MPRIP: variants seen among roughly 807,000 people sequenced by gnomAD.
The protein encoded by MPRIP is myosin phosphatase Rho interacting protein.
A neutral mutation model predicts 234.9 loss-of-function variants in MPRIP; 59 were observed. That is an observed-to-expected ratio of 0.25 (90% CI 0.20 to 0.31). The LOEUF is 0.31. Ranked by LOEUF, MPRIP falls within the 10% of genes least tolerant of loss-of-function variation. The pLI is 1.00. For missense variants in MPRIP, 2,436 were observed against 3,071.0 expected, an observed-to-expected ratio of 0.79 and a Z score of 4.89; for synonymous variants, 1,144 against 1,263.9, an observed-to-expected ratio of 0.91 and a Z score of 2.01.
chr17:17,180,723 G>A (rs940179621), intron 23 of MPRIP: 9 of 1,502,370 alleles, frequency 6.0e-6, no homozygotes, highest in African/African-American at 5.5e-5. Context: ...CATGGCAAAC[G>A]CCTGTGTCAT....
chr17:17,164,780 C>T lies in MPRIP; in HGVS notation c.3189C>T (p.Thr1063=), dbSNP rs1388401056. 7.7e-7 allele frequency: 1 copy of T among 1,304,174 alleles called. No individual in the cohort carries two copies. The allele number at this position is 1,304,174 out of a possible 1,614,324, so 80.8% of individuals were successfully genotyped here. Residue 1063 remains threonine (T), a synonymous_variant, in exon 16 of 24, where the codon ACC becomes ACT. Transcript: ENST00000651222. ...AGGGTCAGGCACAGCAGGTGGAGAC[C>T]CTGCAGAAGGAGAAGCTGAGCGCCA... The part of the protein sequence containing the change: ...QLQGQAQQVE[T]LQKEKLSATF...
chr17:17,167,999 A>T lies in MPRIP; in HGVS notation c.6324+84A>T. On this transcript the variant is annotated intron_variant, in intron 16 of 23. Coordinates refer to ENST00000651222, the MANE Select transcript of MPRIP (RefSeq NM_001364716.4). The surrounding 1 kb of genome is among the most constrained non-coding windows in gnomAD (Gnocchi z 5.9). ...GGGACGTCTGGCTCAGCTACCGTGC[A>T]GGCAGAATTGAGGGGATATGCTGCT... 1 of 1,096,622 alleles carries T rather than the reference A, an allele frequency of 9.1e-7. No individual in the cohort carries two copies. The highest frequency in any genetic ancestry group is 1.2e-6 in the Non-Finnish European group (1 of 832,444). 67.9% of individuals were successfully genotyped at this position (1,096,622 alleles called of 1,614,324 possible).
intron 1 of MPRIP, among the ~76,000 whole-genome samples, chr17:17,049,964 G>A (rs1219508474): frequency 2.0e-5 from 3 of 152,290 alleles, no homozygotes; most frequent in Admixed American, 1.3e-4. Flanking sequence ...CGAGACGGGC[G>A]GATCACGAGG....
intron 3 of MPRIP, among the ~76,000 whole-genome samples, chr17:17,091,231 G>A (rs564192185): frequency 8.5e-5 from 13 of 152,238 alleles, no homozygotes; most frequent in South Asian, 4.1e-4. Context: ...CCCAGAGGCC[G>A]TTCTAGCTGT....
At chr17:17,056,370 C>T (rs1364729196) in intron 1 of MPRIP, among the ~76,000 whole-genome samples, 2 of 152,194 alleles carry the variant, frequency 1.3e-5, no homozygotes, top group Non-Finnish European at 2.9e-5. Context: ...CCTGTGGCCA[C>T]GGGCTGTTTG....
At chr17:17,101,459 C>CAGGCTG (rs1179883575) in intron 3 of MPRIP, among the ~76,000 whole-genome samples, 2 of 152,096 alleles carry the variant, frequency 1.3e-5, no homozygotes, top group Non-Finnish European at 2.9e-5. Context: ...CCCAGCCACT[C>CAGGCTG]AGGCTGAGGC....
intron 16 of MPRIP, among the ~76,000 whole-genome samples, chr17:17,169,304 C>T (rs1021863566): frequency 6.6e-6 from 1 of 152,180 alleles, no homozygotes; most frequent in Non-Finnish European, 1.5e-5. Context: ...CCTGCAGCTT[C>T]CCAGACAATC....
At chr17:17,090,144 G>A (rs1195988717) in intron 3 of MPRIP, among the ~76,000 whole-genome samples, 2 of 152,212 alleles carry the variant, frequency 1.3e-5, no homozygotes, top group African/African-American at 4.8e-5. Flanking sequence ...TGGTGTTGCA[G>A]ACCAAGACCT....
At chr17:17,074,542 A>G (rs2089280325) in intron 1 of MPRIP, among the ~76,000 whole-genome samples, 1 of 152,240 alleles carries the variant, frequency 6.6e-6, no homozygotes, top group African/African-American at 2.4e-5. Flanking sequence ...GGTGAGTTTT[A>G]GCATATTTAC....
At chr17:17,136,536 T>A in intron 6 of MPRIP, 86 bp downstream of exon 6, 1 of 1,312,938 alleles carries the variant, frequency 7.6e-7, no homozygotes, top group Non-Finnish European at 1.1e-6. Context: ...CCAAGGCCTG[T>A]AGAGCCCAGT....
At chr17:17,090,768 T>C (rs555102979) in intron 3 of MPRIP, among the ~76,000 whole-genome samples, 2 of 152,282 alleles carry the variant, frequency 1.3e-5, no homozygotes, top group South Asian at 4.2e-4. Context: ...ATCAGGGTTT[T>C]TCTGGGCGAT....
chr17:17,078,211 T>C lies in MPRIP; in HGVS notation c.267+135T>C. The C allele has an allele frequency of 3.2e-6, 3 of 936,568 alleles. No homozygotes were observed. Among genetic ancestry groups the C allele is most frequent in the Non-Finnish European group, 4.9e-6 (3 of 608,304 alleles). 58.0% of individuals were successfully genotyped at this position (936,568 alleles called of 1,614,324 possible). ...GTCTGTTTGGGAGTGTGGAATGTTTTGAAGAACTTGTGGCACCTGCTGGAG... is the reference window on the plus strand; with the variant it reads ...GTCTGTTTGGGAGTGTGGAATGTTTCGAAGAACTTGTGGCACCTGCTGGAG... On this transcript the variant is annotated intron_variant, in intron 3 of 23. Coordinates refer to ENST00000651222, the MANE Select transcript of MPRIP (RefSeq NM_001364716.4). The surrounding 1 kb of genome is among the most constrained non-coding windows in gnomAD (Gnocchi z 4.3).
chr17:17,054,449 G>A (rs1191370975), intron 1 of MPRIP, among the ~76,000 whole-genome samples: 1 of 152,116 alleles, frequency 6.6e-6, no homozygotes, highest in Non-Finnish European at 1.5e-5. Flanking sequence ...AATGTCACCG[G>A]TAGCTGGAGC....
rs1309769231 is a variant in MPRIP at position 17,192,529 on chromosome 17, A to G, written c.*7635A>G. On this transcript the variant is annotated 3_prime_UTR_variant, in exon 24 of 24. Transcript: ENST00000651222. ...AATTGAAGTGTTACTTTGTCAGAAT[A>G]TTTATTCCTTTGTGTGACATGCTAG... The G allele has an allele frequency of 1.4e-5, 2 of 145,612 alleles. No homozygotes were observed. The highest frequency in any genetic ancestry group is 4.1e-4 in the East Asian group (2 of 4,892). 9.0% of individuals were successfully genotyped at this position (145,612 alleles called of 1,614,324 possible).
chr17:17,184,895 G>A lies in MPRIP; in HGVS notation c.*1G>A, dbSNP rs199617024. The A allele has an allele frequency of 2.9e-3, 4,609 of 1,609,370 alleles. 11 individuals carry two copies. The highest frequency in any genetic ancestry group is 3.7e-3 in the Non-Finnish European group (4,307 of 1,177,074). On this transcript the variant is annotated 3_prime_UTR_variant, in exon 24 of 24. Coordinates refer to ENST00000651222, the MANE Select transcript of MPRIP (RefSeq NM_001364716.4). ...ATCCAGGGACTTGAAGAAAGACTAGGTGTGTCCCATCCAAGTTGAGCACGC... is the reference window on the plus strand; with the variant it reads ...ATCCAGGGACTTGAAGAAAGACTAGATGTGTCCCATCCAAGTTGAGCACGC...
rs773324122 is a variant in MPRIP, at chr17:17,166,636, C to T, written c.5045C>T (p.Ser1682Leu). 2.2e-5 allele frequency: 29 copies of T among 1,303,954 alleles called. No individual in the cohort carries two copies. The highest frequency in any genetic ancestry group is 8.6e-5 in the South Asian group (7 of 81,034). 80.8% of individuals were successfully genotyped at this position (1,303,954 alleles called of 1,614,324 possible). The change falls in exon 16 of 24, where the codon TCG becomes TTG. Residue 1682 changes from serine (S) to leucine (L), a missense_variant. Transcript: ENST00000651222. The surrounding 1 kb of genome is among the most constrained non-coding windows in gnomAD (Gnocchi z 4.4). ...LSFATQSVRE[S>L]FHRRLQSIQE... ...TTTGCCACACAGTCAGTGAGGGAGTCGTTCCACCGCAGGCTACAGAGCATC... is the reference window on the plus strand; with the variant it reads ...TTTGCCACACAGTCAGTGAGGGAGTTGTTCCACCGCAGGCTACAGAGCATC...
intron 1 of MPRIP, among the ~76,000 whole-genome samples, chr17:17,065,740 G>A (rs2089004536): frequency 6.6e-6 from 1 of 152,112 alleles, no homozygotes; most frequent in African/African-American, 2.4e-5. Flanking sequence ...GTGTTAAACT[G>A]AATATCAGTT....
intron 1 of MPRIP, among the ~76,000 whole-genome samples, chr17:17,051,060 C>T (rs1447602731): frequency 2.0e-5 from 3 of 152,142 alleles, no homozygotes; most frequent in South Asian, 2.1e-4. Flanking sequence ...ATGTCTCCCA[C>T]CTGTAAAGCG....
At chr17:17,139,931 A>G (rs923379746) in intron 7 of MPRIP, among the ~76,000 whole-genome samples, 2 of 152,206 alleles carry the variant, frequency 1.3e-5, no homozygotes, top group African/African-American at 4.8e-5. Flanking sequence ...TACCGCCCCC[A>G]GTTATAGATG....
Sources: gnomAD v4.1 joint callset for allele counts (sites outside exome capture counted in the v4.1 genomes callset) on GRCh38, gnomAD v4.1.1 for gene constraint, Gnocchi (gnomAD v3.1) non-coding constraint, MANE v1.5 for transcripts, NCBI Gene and HGNC (gene_info 2026-07-23, HGNC 2026-07-21) for gene names.